The following ANKS1B variants were observed in gnomAD, a reference collection of about 807,000 sequenced individuals.
The protein encoded by ANKS1B is ankyrin repeat and sterile alpha motif domain containing 1B.
In ANKS1B, 36 loss-of-function variants were observed where a neutral mutation model predicts 148.3. The ratio of observed to expected loss-of-function variants is 0.24; its 90% confidence interval spans 0.19 to 0.32. The LOEUF (loss-of-function observed/expected upper bound fraction) is 0.32, where lower values mean the gene tolerates loss of function less well. Ranked by LOEUF, ANKS1B falls within the 10% of genes least tolerant of loss-of-function variation. ANKS1B has a pLI of 1.00. For synonymous variants in ANKS1B, 542 were observed against 560.8 expected (o/e 0.97, Z 0.47); for missense variants, 1,157 against 1,542.6 (o/e 0.75, Z 4.19).
intron 4 of ANKS1B, 89 bp downstream of exon 4, chr12:99,806,315 A>C (rs1300242262): frequency 2.1e-5 from 31 of 1,489,440 alleles, no homozygotes; most frequent in Non-Finnish European, 2.7e-5. Flanking sequence ...ATTTGATTAA[A>C]AGATTTCTAC....
intron 20 of ANKS1B, among the ~76,000 whole-genome samples, chr12:98,806,656 G>GA (rs1331703139): frequency 6.6e-6 from 1 of 152,300 alleles, no homozygotes; most frequent in East Asian, 1.9e-4. Context: ...TGAATGTAAG[G>GA]AAAAGGCTTC....
At chr12:99,648,001 G>C in intron 9 of ANKS1B, 1 of 846,924 alleles carries the variant, frequency 1.2e-6, no homozygotes, top group Non-Finnish European at 1.8e-6. Context: ...TGAGCGGTTG[G>C]TAATCAATAC....
At chr12:99,406,610 G>C (rs1016080628) in intron 11 of ANKS1B, among the ~76,000 whole-genome samples, 3 of 144,838 alleles carry the variant, frequency 2.1e-5, no homozygotes, top group East Asian at 3.9e-4. Flanking sequence ...TGCATCCTAA[G>C]AACAAGAAAG....
At chr12:99,539,412 T>C (rs1767340906) in intron 9 of ANKS1B, among the ~76,000 whole-genome samples, 1 of 152,178 alleles carries the variant, frequency 6.6e-6, no homozygotes, top group Non-Finnish European at 1.5e-5. Context: ...AAACTGTTGA[T>C]ATTAATTCAA....
chr12:99,243,916 G>A (rs1350801586), intron 14 of ANKS1B, among the ~76,000 whole-genome samples: 1 of 152,130 alleles, frequency 6.6e-6, no homozygotes, highest in African/African-American at 2.4e-5. Context: ...AATACCTAAT[G>A]TAAATGACGA....
chr12:99,052,876 T>A (rs1219194688), intron 17 of ANKS1B, among the ~76,000 whole-genome samples: 1 of 151,726 alleles, frequency 6.6e-6, no homozygotes, highest in African/African-American at 2.4e-5. Context: ...CATATCTATA[T>A]CCTATAACTG....
intron 10 of ANKS1B, among the ~76,000 whole-genome samples, chr12:99,457,521 T>A (rs116526708): frequency 2.0e-3 from 307 of 152,202 alleles, no homozygotes; most frequent in Middle Eastern, 6.8e-3. Flanking sequence ...GTATCTGCTG[T>A]CTTCAAGAGA....
At chr12:99,238,653 G>A (rs2088558549) in intron 14 of ANKS1B, among the ~76,000 whole-genome samples, 2 of 152,202 alleles carry the variant, frequency 1.3e-5, no homozygotes, top group African/African-American at 4.8e-5. Context: ...ACATCTCCCA[G>A]TAGGGGCCAA....
At chr12:99,094,494 A>G (rs2055210146) in intron 15 of ANKS1B, among the ~76,000 whole-genome samples, 1 of 152,206 alleles carries the variant, frequency 6.6e-6, no homozygotes. Context: ...TAAAAAATAA[A>G]CAAATAAATA....
intron 17 of ANKS1B, among the ~76,000 whole-genome samples, chr12:98,867,334 A>G (rs10129000): frequency 2.6e-4 from 40 of 152,236 alleles, no homozygotes; most frequent in African/African-American, 9.4e-4. Flanking sequence ...ATCTTCAAAT[A>G]AAACAATCTC....
chr12:99,316,528 T>C (rs1200333864), intron 12 of ANKS1B, among the ~76,000 whole-genome samples: 1 of 152,220 alleles, frequency 6.6e-6, no homozygotes, highest in African/African-American at 2.4e-5. Flanking sequence ...GTTTGATTTT[T>C]TCTTGTAAAT....
intron 14 of ANKS1B, among the ~76,000 whole-genome samples, chr12:99,181,241 C>A (rs999087945): frequency 6.6e-6 from 1 of 152,102 alleles, no homozygotes; most frequent in African/African-American, 2.4e-5. Context: ...GAAAAAGAAG[C>A]CTTGGCTTTT....
At chr12:99,350,088 C>T (rs1205937318) in intron 12 of ANKS1B, among the ~76,000 whole-genome samples, 1 of 151,962 alleles carries the variant, frequency 6.6e-6, no homozygotes, top group African/African-American at 2.4e-5. Flanking sequence ...GATCATGGCG[C>T]AGATCTCCCC....
At chr12:99,928,558 G>A (rs866580564) in intron 1 of ANKS1B, among the ~76,000 whole-genome samples, 15 of 152,078 alleles carry the variant, frequency 9.9e-5, no homozygotes, top group South Asian at 2.1e-4. Context: ...GATTACAGGC[G>A]TGAGCCACCG....
intron 17 of ANKS1B, among the ~76,000 whole-genome samples, chr12:99,034,309 C>T (rs1356614170): frequency 6.6e-6 from 1 of 151,938 alleles, no homozygotes; most frequent in Non-Finnish European, 1.5e-5. Context: ...GAGAACTGAG[C>T]ACCTTAATTA....
intron 2 of ANKS1B, among the ~76,000 whole-genome samples, chr12:99,824,207 C>T (rs2082866802): frequency 1.3e-5 from 2 of 152,064 alleles, no homozygotes; most frequent in Non-Finnish European, 2.9e-5. Flanking sequence ...GTAATTACCA[C>T]ATCTAAAAGA....
At chr12:99,342,955 T>C (rs1456461111) in intron 12 of ANKS1B, among the ~76,000 whole-genome samples, 1 of 151,940 alleles carries the variant, frequency 6.6e-6, no homozygotes, top group East Asian at 1.9e-4. Context: ...TCAAGAATAC[T>C]ATAATTTATT....
chr12:99,495,763 T>C (rs2096598280), intron 10 of ANKS1B, among the ~76,000 whole-genome samples: 1 of 152,224 alleles, frequency 6.6e-6, no homozygotes, highest in Non-Finnish European at 1.5e-5. Flanking sequence ...ATGTTGACAC[T>C]ACCCACTTGC....
At chr12:99,793,958 C>CA (rs1388407415) in intron 4 of ANKS1B, among the ~76,000 whole-genome samples, 3 of 151,734 alleles carry the variant, frequency 2.0e-5, no homozygotes, top group South Asian at 2.1e-4. Context: ...ATATAAGGAA[C>CA]AAAAAAACTT....
Sources: gnomAD v4.1 joint callset for allele counts (sites outside exome capture counted in the v4.1 genomes callset) on GRCh38, gnomAD v4.1.1 for gene constraint, MANE v1.5 for transcripts, NCBI Gene and HGNC (gene_info 2026-07-23, HGNC 2026-07-21) for gene names.